LRRC37A2: variants seen among roughly 807,000 people sequenced by gnomAD.
The protein encoded by LRRC37A2 is leucine-rich repeat-containing protein 37A2.
A neutral mutation model predicts 68.8 loss-of-function variants in LRRC37A2; 9 were observed. The observed-to-expected ratio is 0.13, with a 90% CI of 0.08 to 0.23. The LOEUF is 0.23. Ranked by LOEUF, LRRC37A2 falls within the 10% of genes least tolerant of loss-of-function variation. LRRC37A2 has a pLI of 1.00. For synonymous variants in LRRC37A2, 63 were observed against 367.6 expected (o/e 0.17, Z 9.48); for missense variants, 168 against 950.4 (o/e 0.18, Z 10.82).
chr17:46,823,297 C>T, the LRRC37A2 span, among the ~76,000 whole-genome samples: 3 of 148,822 alleles, frequency 2.0e-5, no homozygotes, highest in East Asian at 3.9e-4. Context: ...TCACTGCAAC[C>T]TCTGCCTCCC....
At chr17:46,965,945 T>G in the LRRC37A2 span, among the ~76,000 whole-genome samples, 1 of 152,098 alleles carries the variant, frequency 6.6e-6, no homozygotes, top group Non-Finnish European at 1.5e-5. Flanking sequence ...TGACTTTTCT[T>G]TAATATGTCC....
the LRRC37A2 span, chr17:46,935,119 G>T: frequency 6.2e-7 from 1 of 1,614,064 alleles, no homozygotes; most frequent in South Asian, 1.1e-5. Context: ...CCTCATTTTA[G>T]ATGGGCACAA....
At chr17:46,811,306 A>G in the LRRC37A2 span, among the ~76,000 whole-genome samples, 1 of 152,152 alleles carries the variant, frequency 6.6e-6, no homozygotes. Context: ...TGCTGATGTC[A>G]ACTCAGCAGG....
the LRRC37A2 span, among the ~76,000 whole-genome samples, chr17:46,842,497 C>T: frequency 1.3e-5 from 2 of 152,164 alleles, no homozygotes; most frequent in Non-Finnish European, 2.9e-5. Flanking sequence ...GCCTCAGCCT[C>T]CCGAGTAGCT....
At chr17:46,858,216 C>T in the LRRC37A2 span, among the ~76,000 whole-genome samples, 1 of 152,218 alleles carries the variant, frequency 6.6e-6, no homozygotes, top group Non-Finnish European at 1.5e-5. Flanking sequence ...AGGCGTGAGC[C>T]ACTTGGCCTA....
chr17:46,941,421 T>C, the LRRC37A2 span: 1 of 984,444 alleles, frequency 1.0e-6, no homozygotes, highest in Non-Finnish European at 1.2e-6. Context: ...CCCCTTTTTT[T>C]ATGTTTCTAG....
the LRRC37A2 span, chr17:47,018,567 C>A: frequency 6.6e-7 from 1 of 1,520,324 alleles, no homozygotes; most frequent in Non-Finnish European, 9.1e-7. Flanking sequence ...GCACGGGGGC[C>A]CACATCTGCT....
chr17:46,718,566 A>G, the LRRC37A2 span, among the ~76,000 whole-genome samples: 553 of 152,314 alleles, frequency 3.6e-3, 3 homozygotes, highest in Non-Finnish European at 2.2e-3. Flanking sequence ...CCATAGGACT[A>G]CCAAACTAGG....
chr17:46,903,752 T>G, the LRRC37A2 span, among the ~76,000 whole-genome samples: 1 of 115,328 alleles, frequency 8.7e-6, no homozygotes, highest in Admixed American at 1.1e-4. Context: ...AATGGGTGGG[T>G]GAGTGGATGG....
At chr17:47,021,949 A>C in the LRRC37A2 span, 1 of 1,488,810 alleles carries the variant, frequency 6.7e-7, no homozygotes, top group Non-Finnish European at 9.4e-7. Flanking sequence ...AAATATGACA[A>C]AAAGCTAACT....
the LRRC37A2 span, among the ~76,000 whole-genome samples, chr17:46,969,112 G>A: frequency 2.0e-5 from 3 of 152,168 alleles, no homozygotes; most frequent in African/African-American, 4.8e-5. Flanking sequence ...CAGGAGAAGC[G>A]GAAGCCGATC....
the LRRC37A2 span, among the ~76,000 whole-genome samples, chr17:46,823,999 C>A: frequency 6.6e-6 from 1 of 152,196 alleles, no homozygotes; most frequent in Non-Finnish European, 1.5e-5. Flanking sequence ...GCCTCTCTCT[C>A]AGGTCTCTCT....
chr17:46,797,989 C>T, the LRRC37A2 span, among the ~76,000 whole-genome samples: 38 of 152,236 alleles, frequency 2.5e-4, no homozygotes, highest in African/African-American at 7.9e-4. Flanking sequence ...AGTGCAGTGG[C>T]GTGATCCCGG....
chr17:46,775,766 A>G, the LRRC37A2 span, among the ~76,000 whole-genome samples: 1 of 151,784 alleles, frequency 6.6e-6, no homozygotes, highest in Non-Finnish European at 1.5e-5. Context: ...GGTGCCCACC[A>G]CCACGCCCGG....
At chr17:46,834,495 G>C in the LRRC37A2 span, among the ~76,000 whole-genome samples, 1,231 of 152,272 alleles carry the variant, frequency 8.1e-3, 16 homozygotes, top group African/African-American at 0.027. Context: ...TTTACAACAG[G>C]GGGTACGGAG....
At chr17:46,792,816 A>G in the LRRC37A2 span, among the ~76,000 whole-genome samples, 1 of 152,196 alleles carries the variant, frequency 6.6e-6, no homozygotes, top group Non-Finnish European at 1.5e-5. Context: ...TTGAGGCCTG[A>G]CTATGTGCCA....
the LRRC37A2 span, chr17:46,964,182 A>C: frequency 1.3e-5 from 2 of 152,166 alleles, no homozygotes; most frequent in African/African-American, 4.8e-5. Flanking sequence ...GGACCATCTT[A>C]GTCCCTACCT....
chr17:46,935,467 C>G, the LRRC37A2 span: 2 of 1,373,644 alleles, frequency 1.5e-6, no homozygotes. Context: ...GGTCCAATCA[C>G]AGGCTGAGAA....
At chr17:46,905,159 C>T in the LRRC37A2 span, among the ~76,000 whole-genome samples, 1 of 151,944 alleles carries the variant, frequency 6.6e-6, no homozygotes, top group African/African-American at 2.4e-5. Context: ...GCAACCTCTG[C>T]CTCCCGGGTT....
Sources: gnomAD v4.1 joint callset for allele counts (sites outside exome capture counted in the v4.1 genomes callset) on GRCh38, gnomAD v4.1.1 for gene constraint, MANE v1.5 for transcripts, NCBI Gene and HGNC (gene_info 2026-07-23, HGNC 2026-07-21) for gene names.